TLR10: variants seen among roughly 807,000 people sequenced by gnomAD.
TLR10 encodes toll like receptor 10.
For missense variants in TLR10, 929 were observed against 932.9 expected (o/e 1.00, Z 0.05); for synonymous variants, 288 against 338.8 (o/e 0.85, Z 1.65).
chr4:38,779,246 T>C (rs1270864930), intron 1 of TLR10, among the ~76,000 whole-genome samples: 1 of 152,234 alleles, frequency 6.6e-6, no homozygotes, highest in Non-Finnish European at 1.5e-5. Flanking sequence ...ATCATATAAT[T>C]TTTATATTTC....
chr4:38,775,653 C>A lies in TLR10; in HGVS notation c.-62-1G>T. On this transcript the variant is annotated splice_acceptor_variant, in intron 3 of 3. Coordinates refer to ENST00000308973, the MANE Select transcript of TLR10 (RefSeq NM_030956.4). LOFTEE classifies it low-confidence loss of function (5UTR_SPLICE). ...GAATGATGAAGATGAGCTCAAAACC[C>A]TAAAAAAAAGTATATAATATTAGAT... The A allele has an allele frequency of 7.0e-7, 1 of 1,433,630 alleles. No individual in the cohort carries two copies. Among genetic ancestry groups the A allele is most frequent in the Admixed American group, 2.4e-5 (1 of 41,260 alleles). The allele number at this position is 1,433,630 out of a possible 1,614,324, so 88.8% of individuals were successfully genotyped here.
At chr4:38,776,576 G>A (rs1382668135) in intron 1 of TLR10, 150 bp from the exon 2 acceptor site, 2 of 152,172 alleles carry the variant, frequency 1.3e-5, no homozygotes, top group African/African-American at 4.8e-5. Context: ...GGAAATTGAA[G>A]GATATAGAAT....
Position 38,774,180 on chromosome 4 carries a change from G to A in TLR10, c.1411C>T (p.Leu471=), listed in dbSNP as rs117180726. 1,019 of 1,612,322 alleles carry A rather than the reference G, an allele frequency of 6.3e-4. 15 individuals carry two copies. The East Asian group carries it at 0.022, about 35-fold the overall frequency. Residue 471 remains leucine (L), a synonymous_variant, in exon 4 of 4, where the codon CTA becomes TTA. Coordinates refer to ENST00000308973, the MANE Select transcript of TLR10 (RefSeq NM_030956.4). ...GTTAGAAAATTAAATGCAATATTTA[G>A]TTCTCGTAAGGCCATCAGATGAATA... ...ETIHLMALRE[L]NIAFNFLTDL...
Position 38,775,850 on chromosome 4 carries a change from C to T in TLR10, c.-138G>A, listed in dbSNP as rs4274855. The T allele has an allele frequency of 0.17, 52,861 of 316,004 alleles. 5,639 individuals carry two copies. The highest frequency in any genetic ancestry group is 0.4 in the East Asian group (7,553 of 18,652). The allele number at this position is 316,004 out of a possible 1,614,324, so 19.6% of individuals were successfully genotyped here. A position where few individuals can be genotyped will look rare whatever the true frequency, so the allele number is the denominator to read the frequency against. On this transcript the variant is annotated 5_prime_UTR_variant, in exon 3 of 4. Transcript: ENST00000308973. ...CAAGCTGGCTACTGTGCCATGTCTC[C>T]GTTGTTGAGGTAAGTCAGGATTCTC...
rs933332100 is a variant in TLR10 at position 38,781,394 on chromosome 4, G to T, written c.-569+1527C>A. On this transcript the variant is annotated intron_variant, in intron 1 of 3. Transcript: ENST00000308973. ...CTGTTGCCCAGGCTGGAGTAAAGTGGTATGATCTCAGCTCACTGCAAGCTC... is the reference window on the plus strand; with the variant it reads ...CTGTTGCCCAGGCTGGAGTAAAGTGTTATGATCTCAGCTCACTGCAAGCTC... Among the ~76,000 whole-genome samples the T allele has an allele frequency of 3.3e-5, 5 of 151,782 alleles. No individual in the cohort carries two copies. The East Asian group carries it at 9.7e-4, about 29-fold the overall frequency.
At chr4:38,779,922 A>G (rs559411814) in intron 1 of TLR10, among the ~76,000 whole-genome samples, 2 of 152,276 alleles carry the variant, frequency 1.3e-5, no homozygotes, top group South Asian at 4.1e-4. Flanking sequence ...ATAGTGCTTG[A>G]CACATGGTGC....
In TLR10 at chr4:38,774,320, A is replaced by T; in HGVS notation, c.1271T>A (p.Val424Asp). Residue 424 changes from valine (V) to aspartate (D), a missense_variant, in exon 4 of 4, where the codon GTC becomes GAC. By Grantham distance (152) the Val-to-Asp change is radical (BLOSUM62 -3). Coordinates refer to ENST00000308973, the MANE Select transcript of TLR10 (RefSeq NM_030956.4). The part of the protein sequence containing the change: ...DENCSWPETV[V>D]NMNLSYNKLS... ...TTTATTGTATGACAGATTCATATTG[A>T]CCACAGTTTCTGGCCATGAGCAATT... 6.2e-7 allele frequency: 1 copy of T among 1,611,032 alleles called. No homozygotes were observed. The highest frequency in any genetic ancestry group is 8.5e-7 in the Non-Finnish European group (1 of 1,179,054).
chr4:38,774,568 C>T lies in TLR10; in HGVS notation c.1023G>A (p.Met341Ile). Residue 341 changes from methionine to isoleucine, a missense_variant, in exon 4 of 4, where the codon ATG becomes ATA. By Grantham distance (10) the Met-to-Ile change is conservative (BLOSUM62 1). Coordinates refer to ENST00000308973, the MANE Select transcript of TLR10 (RefSeq NM_030956.4). ...LTISNAQMPH[M>I]LFPNYPTKFQ... ...ATTTCGTAGGATAATTCGGGAAAAGCATGTGTGGCATTTGTGCATTTGATA... is the reference window on the plus strand; with the variant it reads ...ATTTCGTAGGATAATTCGGGAAAAGTATGTGTGGCATTTGTGCATTTGATA... 1.3e-6 allele frequency: 2 copies of T among 1,596,152 alleles called. No individual in the cohort carries two copies. Among genetic ancestry groups the T allele is most frequent in the Non-Finnish European group, 1.7e-6 (2 of 1,174,250 alleles).
rs1389024750 is a variant in TLR10 at position 38,773,207 on chromosome 4, T to G, written c.2384A>C (p.Asn795Thr). The G allele has an allele frequency of 1.9e-6, 3 of 1,571,772 alleles. No individual in the cohort carries two copies. The highest frequency in any genetic ancestry group is 2.6e-6 in the Non-Finnish European group (3 of 1,163,154). ...MYELQTFTEL[N>T]EESRGSTISL... Reference sequence around the variant, plus strand: ...GATTGTAGAACCTCGAGACTCTTCATTTAACTCTGTGAATGTCTGCAGTTC... The same window carrying G: ...GATTGTAGAACCTCGAGACTCTTCAGTTAACTCTGTGAATGTCTGCAGTTC... The change falls in exon 4 of 4, where the codon AAT becomes ACT. Residue 795 changes from asparagine to threonine, a missense_variant. By Grantham distance (65) the Asn-to-Thr change is moderately conservative. Coordinates refer to ENST00000308973, the MANE Select transcript of TLR10 (RefSeq NM_030956.4).
At chr4:38,778,154 A>G (rs763431848) in intron 1 of TLR10, among the ~76,000 whole-genome samples, 4 of 152,250 alleles carry the variant, frequency 2.6e-5, no homozygotes, top group Non-Finnish European at 4.4e-5. Flanking sequence ...TTGCAGGGAC[A>G]TGGATGAATC....
Position 38,774,186 on chromosome 4 carries a change from G to T in TLR10, c.1405C>A (p.Arg469=), listed in dbSNP as rs11466656. Residue 469 remains arginine, a synonymous_variant, in exon 4 of 4, where the codon CGA becomes AGA. Coordinates refer to ENST00000308973, the MANE Select transcript of TLR10 (RefSeq NM_030956.4). The part of the protein sequence containing the change: ...PKETIHLMAL[R]ELNIAFNFLT... ...AAATTAAATGCAATATTTAGTTCTC[G>T]TAAGGCCATCAGATGAATAGTCTCT... is the stretch of plus-strand genomic sequence containing the variant. 1 of 1,612,838 alleles carries T rather than the reference G, an allele frequency of 6.2e-7. No individual in the cohort carries two copies. Among genetic ancestry groups the T allele is most frequent in the Non-Finnish European group, 8.5e-7 (1 of 1,179,610 alleles).
chr4:38,782,944 A>G lies in TLR10; in HGVS notation c.-592T>C, dbSNP rs1725497235. Reference sequence around the variant, plus strand: ...ACCCCACGGCTTGCACTCTCTCAGCAGAGCTGCAGGTGCGTGGATGATTCG... The same window carrying G: ...ACCCCACGGCTTGCACTCTCTCAGCGGAGCTGCAGGTGCGTGGATGATTCG... On this transcript the variant is annotated 5_prime_UTR_variant, in exon 1 of 4. Coordinates refer to ENST00000308973, the MANE Select transcript of TLR10 (RefSeq NM_030956.4). 1 of 152,196 alleles carries G rather than the reference A, an allele frequency of 6.6e-6. No homozygotes were observed. The highest frequency in any genetic ancestry group is 1.5e-5 in the Non-Finnish European group (1 of 68,030). 9.4% of individuals were successfully genotyped at this position (152,196 alleles called of 1,614,324 possible).
chr4:38,778,429 A>AAAATAAATAAATAAAT (rs140633479), intron 1 of TLR10, among the ~76,000 whole-genome samples: 2,446 of 149,090 alleles, frequency 0.016, 47 homozygotes, highest in African/African-American at 0.044. Flanking sequence ...CTTACAGTAT[A>AAAATAAATAAATAAAT]AAATAAATAA....
intron 1 of TLR10, among the ~76,000 whole-genome samples, chr4:38,781,361 G>GTCTC (rs1725399400): frequency 6.6e-6 from 1 of 150,510 alleles, no homozygotes; most frequent in South Asian, 2.1e-4. Context: ...TTGAGATGGA[G>GTCTC]TCTCGCTCTG....
chr4:38,776,542 C>T (rs887410575), intron 1 of TLR10, 116 bp from the exon 2 acceptor site: 1 of 152,172 alleles, frequency 6.6e-6, no homozygotes, highest in African/African-American at 2.4e-5. Flanking sequence ...GAGGGAAGTA[C>T]TACTACTCCC....
chr4:38,773,923 A>G lies in TLR10; in HGVS notation c.1668T>C (p.Pro556=). ...TTAACCTAGTTCCCCTTAGGTTTAA[A>G]GGGTATTCACAGGTGTATGAATCTG... The part of the protein sequence containing the change: ...GWSDSYTCEY[P]LNLRGTRLKD... The change falls in exon 4 of 4, where the codon CCT becomes CCC. Residue 556 remains proline (P), a synonymous_variant. Transcript: ENST00000308973. 1 of 1,589,614 alleles carries G rather than the reference A, an allele frequency of 6.3e-7. No homozygotes were observed.
chr4:38,773,257 A>G lies in TLR10; in HGVS notation c.2334T>C (p.Asn778=), dbSNP rs749910256. The G allele has an allele frequency of 2.6e-5, 42 of 1,611,036 alleles. No homozygotes were observed. In the Admixed American group the frequency reaches 6.9e-4, roughly 27 times the overall value. ...CATACATTTCTCTGGTGGCTAATAC[A>G]TTAACATTAATAGCAGCTCGAAGGT... ...WANLRAAINV[N]VLATREMYEL... Residue 778 remains asparagine (N), a synonymous_variant, in exon 4 of 4, where the codon AAT becomes AAC. Coordinates refer to ENST00000308973, the MANE Select transcript of TLR10 (RefSeq NM_030956.4).
chr4:38,775,047 C>T lies in TLR10; in HGVS notation c.544G>A (p.Glu182Lys), dbSNP rs1286891331. 1.2e-6 allele frequency: 2 copies of T among 1,612,270 alleles called. No individual in the cohort carries two copies. The highest frequency in any genetic ancestry group is 1.7e-6 in the Non-Finnish European group (2 of 1,179,588). The change falls in exon 4 of 4, where the codon GAA becomes AAA. Residue 182 changes from glutamate (E) to lysine (K), a missense_variant. By Grantham distance (56) the Glu-to-Lys change is moderately conservative (BLOSUM62 1). Transcript: ENST00000308973. Reference sequence around the variant, plus strand: ...GTGTTTAAGATGGGCAGGCTACCTTCTTCATAATGAGGAAGAGTTCTGAAT... The same window carrying T: ...GTGTTTAAGATGGGCAGGCTACCTTTTTCATAATGAGGAAGAGTTCTGAAT... ...LGFRTLPHYE[E>K]GSLPILNTTK...
At position 38,773,036 on chromosome 4, in the gene TLR10, A is replaced by T; in HGVS notation, c.*119T>A. 1.0e-6 allele frequency: 1 copy of T among 970,214 alleles called. No individual in the cohort carries two copies. The highest frequency in any genetic ancestry group is 1.4e-6 in the Non-Finnish European group (1 of 716,262). The allele number at this position is 970,214 out of a possible 1,614,324, so 60.1% of individuals were successfully genotyped here. ...CTTAGAAATCCTTCTAGAAACTGAT[A>T]TGAAGGGAATAACCATTTTTTATTT... On this transcript the variant is annotated 3_prime_UTR_variant, in exon 4 of 4. Transcript: ENST00000308973.
Sources: gnomAD v4.1 joint callset for allele counts (sites outside exome capture counted in the v4.1 genomes callset) on GRCh38, gnomAD v4.1.1 for gene constraint, MANE v1.5 for transcripts, NCBI Gene and HGNC (gene_info 2026-07-23, HGNC 2026-07-21) for gene names.